Variants in ADAMTS19 observed in about 807,000 individuals in gnomAD.
ADAMTS19 encodes the protein A disintegrin and metalloproteinase with thrombospondin motifs 19.
A neutral mutation model predicts 153.3 loss-of-function variants in ADAMTS19; 93 were observed. The observed-to-expected ratio is 0.61, with a 90% CI of 0.51 to 0.72. ADAMTS19 has a LOEUF of 0.72. ADAMTS19 is among the 30% of genes least tolerant of loss of function. The pLI, the probability that ADAMTS19 is intolerant of heterozygous loss-of-function variation, is 0.00. For missense variants in ADAMTS19, 1,482 were observed against 1,552.1 expected (o/e 0.95, Z 0.76); for synonymous variants, 600 against 556.6 (o/e 1.08, Z -1.10).
At chr5:129,719,830 C>T (rs985445582) in intron 21 of ADAMTS19, among the ~76,000 whole-genome samples, 2 of 152,066 alleles carry the variant, frequency 1.3e-5, no homozygotes, top group Non-Finnish European at 2.9e-5. Context: ...CACTTGAGGT[C>T]AGGAGTTCAA....
intron 21 of ADAMTS19, among the ~76,000 whole-genome samples, chr5:129,708,590 CAAAA>C (rs1174701520): frequency 3.2e-5 from 2 of 61,812 alleles, no homozygotes; most frequent in African/African-American, 1.2e-4. Context: ...AGCAGAGAAG[CAAAA>C]AAAAAAAAAA....
intron 3 of ADAMTS19, among the ~76,000 whole-genome samples, chr5:129,525,521 T>G (rs1217889041): frequency 6.6e-6 from 1 of 152,090 alleles, no homozygotes. Flanking sequence ...AGCTCTTTAT[T>G]TCTTTATTCT....
At chr5:129,535,137 G>C (rs1752366970) in intron 6 of ADAMTS19, among the ~76,000 whole-genome samples, 2 of 152,176 alleles carry the variant, frequency 1.3e-5, no homozygotes, top group African/African-American at 2.4e-5. Context: ...CCTGTTTGCA[G>C]ATGACATGAT....
intron 10 of ADAMTS19, among the ~76,000 whole-genome samples, chr5:129,628,160 A>G (rs1752138377): frequency 6.6e-6 from 1 of 152,080 alleles, no homozygotes; most frequent in South Asian, 2.1e-4. Flanking sequence ...AGGAACATGG[A>G]TGGAGGTGGA....
intron 21 of ADAMTS19, among the ~76,000 whole-genome samples, chr5:129,734,521 G>A (rs1757582759): frequency 6.6e-6 from 1 of 151,938 alleles, no homozygotes; most frequent in Non-Finnish European, 1.5e-5. Context: ...AGCTCTAAAA[G>A]TAGACATGTG....
intron 3 of ADAMTS19, among the ~76,000 whole-genome samples, chr5:129,524,723 C>T (rs183218982): frequency 3.3e-5 from 5 of 151,386 alleles, no homozygotes; most frequent in African/African-American, 1.2e-4. Context: ...TGTAACAAAC[C>T]TGCACGTTCT....
intron 17 of ADAMTS19, among the ~76,000 whole-genome samples, chr5:129,682,844 C>T (rs147255636): frequency 1.8e-4 from 28 of 152,128 alleles, no homozygotes; most frequent in African/African-American, 6.5e-4. Flanking sequence ...CCAATCCGCA[C>T]ATCAAAATAC....
intron 10 of ADAMTS19, among the ~76,000 whole-genome samples, chr5:129,630,826 G>A (rs1290544026): frequency 1.3e-5 from 2 of 151,922 alleles, no homozygotes; most frequent in Non-Finnish European, 2.9e-5. Context: ...TTTATAATAG[G>A]CATATCTGAC....
At chr5:129,699,986 T>A (rs1415333832) in intron 19 of ADAMTS19, among the ~76,000 whole-genome samples, 1 of 152,142 alleles carries the variant, frequency 6.6e-6, no homozygotes, top group African/African-American at 2.4e-5. Flanking sequence ...GCTAATAAGG[T>A]ACCTACAAAT....
chr5:129,516,932 CT>C (rs1211766593), intron 3 of ADAMTS19, among the ~76,000 whole-genome samples: 2 of 148,398 alleles, frequency 1.3e-5, no homozygotes, highest in African/African-American at 2.5e-5. Context: ...AAACTTCCCC[CT>C]GAGTACTGCT....
intron 3 of ADAMTS19, among the ~76,000 whole-genome samples, chr5:129,514,591 T>G: frequency 6.6e-6 from 1 of 151,844 alleles, no homozygotes; most frequent in East Asian, 1.9e-4. Flanking sequence ...TGTCTTCTTT[T>G]GAGAAATGTC....
Position 129,544,437 on chromosome 5 carries a change from G to A in ADAMTS19, c.1329-7427G>A, listed in dbSNP as rs117151889. Among the ~76,000 whole-genome samples the A allele has an allele frequency of 4.9e-4, 75 of 152,238 alleles. 1 individual carries two copies. The East Asian group carries it at 0.014, about 29-fold the overall frequency. ...GACCTAATGCTAACAATAAACTAAT[G>A]TATCATTTTACTGCACTTCATTCCT... On this transcript the variant is annotated intron_variant, in intron 6 of 22. Transcript: ENST00000274487.
At chr5:129,726,559 A>G (rs1757219332) in intron 21 of ADAMTS19, among the ~76,000 whole-genome samples, 1 of 152,168 alleles carries the variant, frequency 6.6e-6, no homozygotes, top group Admixed American at 6.6e-5. Flanking sequence ...GGAGAGAGAG[A>G]GCGCCATGGA....
intron 3 of ADAMTS19, among the ~76,000 whole-genome samples, chr5:129,516,340 CT>C (rs1482931966): frequency 6.8e-6 from 1 of 147,736 alleles, no homozygotes; most frequent in Non-Finnish European, 1.5e-5. Context: ...ATTCCCTCCT[CT>C]TATATATTTT....
At chr5:129,721,384 AT>A (rs1301529060) in intron 21 of ADAMTS19, among the ~76,000 whole-genome samples, 1 of 152,182 alleles carries the variant, frequency 6.6e-6, no homozygotes, top group Non-Finnish European at 1.5e-5. Flanking sequence ...TTTAGACCTA[AT>A]TAACCTCAGT....
intron 4 of ADAMTS19, 22 bp downstream of exon 4, chr5:129,526,478 C>A: frequency 6.4e-7 from 1 of 1,569,176 alleles, no homozygotes; most frequent in Non-Finnish European, 8.6e-7. Context: ...TTAAAGTGCG[C>A]TTGGAATTTT....
intron 19 of ADAMTS19, among the ~76,000 whole-genome samples, chr5:129,698,464 C>G (rs559442316): frequency 6.6e-6 from 1 of 152,266 alleles, no homozygotes; most frequent in Non-Finnish European, 1.5e-5. Context: ...GATGAATTCA[C>G]TAGTAAATAC....
chr5:129,685,333 T>A (rs42552), intron 18 of ADAMTS19, among the ~76,000 whole-genome samples: 80,597 of 151,070 alleles, frequency 0.53, 23,779 homozygotes, highest in Non-Finnish European at 0.66. Flanking sequence ...TGAGGAGAAA[T>A]AAGCAAAGCC....
Position 129,494,145 on chromosome 5 carries a change from T to G in ADAMTS19, c.748-14932T>G, listed in dbSNP as rs535816522. ...CTTTTAGTATTAATGAAATAAATAA[T>G]GGAATGGTAGTTATATTTACTTTTT... On this transcript the variant is annotated intron_variant, in intron 2 of 22. Coordinates refer to ENST00000274487, the MANE Select transcript of ADAMTS19 (RefSeq NM_133638.6). Among the ~76,000 whole-genome samples the G allele has an allele frequency of 7.9e-5, 12 of 152,218 alleles. No homozygotes were observed. In the South Asian group the frequency reaches 2.1e-3, roughly 26 times the overall value.
Sources: gnomAD v4.1 joint callset for allele counts (sites outside exome capture counted in the v4.1 genomes callset) on GRCh38, gnomAD v4.1.1 for gene constraint, MANE v1.5 for transcripts, NCBI Gene and HGNC (gene_info 2026-07-23, HGNC 2026-07-21) for gene names.